The following ARK2C variants were observed in gnomAD, a reference collection of about 807,000 sequenced individuals.
ARK2C encodes E3 ubiquitin-protein ligase ARK2C.
chr18:46,369,648 G>C, the ARK2C span, among the ~76,000 whole-genome samples: 1 of 152,104 alleles, frequency 6.6e-6, no homozygotes, highest in Non-Finnish European at 1.5e-5. Context: ...CTGGAGGTGG[G>C]GGCACTTTTC....
the ARK2C span, chr18:46,336,761 C>T: frequency 2.0e-6 from 2 of 985,428 alleles, no homozygotes; most frequent in Non-Finnish European, 2.4e-6. Context: ...TTTGCCTTGG[C>T]TTAGAGGCTG....
the ARK2C span, among the ~76,000 whole-genome samples, chr18:46,453,436 GA>G: frequency 1.3e-5 from 2 of 152,128 alleles, no homozygotes; most frequent in Non-Finnish European, 2.9e-5. Flanking sequence ...AAATTGTGAA[GA>G]GAACCAATGC....
At chr18:46,384,764 C>T in the ARK2C span, among the ~76,000 whole-genome samples, 75 of 152,282 alleles carry the variant, frequency 4.9e-4, no homozygotes, top group African/African-American at 1.8e-3. Flanking sequence ...TGCCTGTAAT[C>T]CCAGTGCTTT....
At chr18:46,414,918 G>A in the ARK2C span, among the ~76,000 whole-genome samples, 686 of 152,332 alleles carry the variant, frequency 4.5e-3, 4 homozygotes, top group Non-Finnish European at 7.0e-3. Flanking sequence ...TCCACCCAGG[G>A]CTGCAGGAGG....
chr18:46,414,512 C>G, the ARK2C span, among the ~76,000 whole-genome samples: 258 of 152,310 alleles, frequency 1.7e-3, no homozygotes, highest in African/African-American at 6.0e-3. Flanking sequence ...CATGTACATG[C>G]ACATATCCAT....
At chr18:46,433,197 C>G in the ARK2C span, 4 of 1,578,132 alleles carry the variant, frequency 2.5e-6, no homozygotes, top group East Asian at 6.8e-5. Flanking sequence ...CAGGTGCCCC[C>G]TTTCAAAGGT....
At chr18:46,369,627 A>G in the ARK2C span, among the ~76,000 whole-genome samples, 1 of 152,128 alleles carries the variant, frequency 6.6e-6, no homozygotes, top group African/African-American at 2.4e-5. Context: ...TGGCCTGGAG[A>G]CAGCTCCTTG....
the ARK2C span, among the ~76,000 whole-genome samples, chr18:46,344,823 G>A: frequency 1.9e-3 from 294 of 152,370 alleles, 4 homozygotes; most frequent in Middle Eastern, 0.014. Flanking sequence ...CCCAACCTCT[G>A]TGCTGAGGAG....
chr18:46,450,434 T>TACCA, the ARK2C span: 1 of 1,448,876 alleles, frequency 6.9e-7, no homozygotes, highest in Non-Finnish European at 9.7e-7. Flanking sequence ...ACTGGGTTGG[T>TACCA]GGAGATGCCA....
the ARK2C span, among the ~76,000 whole-genome samples, chr18:46,361,363 A>G: frequency 6.6e-6 from 1 of 152,224 alleles, no homozygotes; most frequent in Non-Finnish European, 1.5e-5. Flanking sequence ...TATAGAAATC[A>G]TTACATATGT....
the ARK2C span, among the ~76,000 whole-genome samples, chr18:46,400,877 G>A: frequency 2.5e-4 from 38 of 152,228 alleles, 1 homozygote; most frequent in South Asian, 3.3e-3. Flanking sequence ...ATCAGGTCTC[G>A]TGCAGACATT....
the ARK2C span, among the ~76,000 whole-genome samples, chr18:46,363,005 T>A: frequency 6.6e-6 from 1 of 152,208 alleles, no homozygotes; most frequent in South Asian, 2.1e-4. Flanking sequence ...AGTGTAGAGT[T>A]AAAACCAGAC....
the ARK2C span, among the ~76,000 whole-genome samples, chr18:46,452,342 C>T: frequency 1.2e-4 from 19 of 152,170 alleles, 1 homozygote; most frequent in South Asian, 2.1e-3. Flanking sequence ...TGCAGTGGCA[C>T]GATCTTGACT....
chr18:46,415,825 A>T, the ARK2C span, among the ~76,000 whole-genome samples: 1 of 152,226 alleles, frequency 6.6e-6, no homozygotes. Context: ...TGTGACAGGT[A>T]AAGTGATATG....
At chr18:46,393,380 C>T in the ARK2C span, among the ~76,000 whole-genome samples, 80 of 152,272 alleles carry the variant, frequency 5.3e-4, 2 homozygotes, top group South Asian at 0.011. Flanking sequence ...GACACCTTCC[C>T]GCTGACCACC....
chr18:46,372,823 A>T, the ARK2C span, among the ~76,000 whole-genome samples: 1,344 of 152,328 alleles, frequency 8.8e-3, 18 homozygotes, highest in African/African-American at 0.031. Flanking sequence ...TTCTAACCAC[A>T]CTGCGGTGCT....
the ARK2C span, among the ~76,000 whole-genome samples, chr18:46,377,023 C>T: frequency 6.6e-6 from 1 of 152,086 alleles, no homozygotes; most frequent in African/African-American, 2.4e-5. Context: ...AACCCAGCCC[C>T]TACCTCAGGG....
the ARK2C span, among the ~76,000 whole-genome samples, chr18:46,341,839 G>A: frequency 6.6e-6 from 1 of 152,200 alleles, no homozygotes; most frequent in African/African-American, 2.4e-5. Flanking sequence ...GTTGGAACAA[G>A]TTTTATCAAA....
the ARK2C span, among the ~76,000 whole-genome samples, chr18:46,348,225 G>A: frequency 2.0e-5 from 3 of 151,152 alleles, no homozygotes; most frequent in African/African-American, 7.3e-5. Flanking sequence ...GTGGGCCAAG[G>A]GGCTGGGGGG....
Sources: allele counts gnomAD v4.1 joint callset (sites outside exome capture counted in the v4.1 genomes callset), GRCh38; gene constraint gnomAD v4.1.1; transcripts MANE v1.5; gene names NCBI Gene and HGNC (gene_info 2026-07-23, HGNC 2026-07-21).